ZFAND6: variants seen among roughly 807,000 people sequenced by gnomAD.
ZFAND6 encodes the protein AN1-type zinc finger protein 6.
In ZFAND6, 12 loss-of-function variants were observed where a neutral mutation model predicts 24.5. The ratio of observed to expected loss-of-function variants is 0.49; its 90% CI spans 0.31 to 0.79. The LOEUF is 0.79. ZFAND6 is among the 30% of genes least tolerant of loss of function. The probability of loss-of-function intolerance (pLI) is 0.04; values close to 1 mark genes in which losing one functional copy is unlikely to be tolerated. For missense variants in ZFAND6, 207 were observed against 245.9 expected (o/e 0.84, Z 1.06); for synonymous variants, 92 against 81.5 (o/e 1.13, Z -0.69).
At chr15:80,064,667 G>A (rs974538796) in intron 1 of ZFAND6, among the ~76,000 whole-genome samples, 1 of 151,852 alleles carries the variant, frequency 6.6e-6, no homozygotes. Flanking sequence ...TTGAGACACG[G>A]TCTTGCTCTA....
chr15:80,131,336 A>G (rs373192398), intron 6 of ZFAND6, 43 bp downstream of exon 6: 8 of 1,510,790 alleles, frequency 5.3e-6, no homozygotes, highest in Non-Finnish European at 7.3e-6. Flanking sequence ...ATGATGTTTT[A>G]TAATAATGCA....
Position 80,132,740 on chromosome 15 carries a change from C to CTCGT in ZFAND6, c.478+1448_478+1451dup, listed in dbSNP as rs558827332. 4.9e-3 allele frequency among the ~76,000 whole-genome samples: 746 copies of CTCGT among 152,138 alleles called. 6 individuals are homozygous for CTCGT. Among genetic ancestry groups the CTCGT allele is most frequent in the Non-Finnish European group, 8.0e-3 (541 of 68,010 alleles). ...GTAAACTTTGAATAATACCATAAGA[C>CTCGT]TCGTATAAAGTGATGCCACTAGCAC... is the stretch of plus-strand genomic sequence containing the variant. On this transcript the variant is annotated intron_variant, in intron 6 of 6. Transcript: ENST00000261749.
intron 1 of ZFAND6, among the ~76,000 whole-genome samples, chr15:80,086,132 G>A (rs8026715): frequency 0.085 from 12,865 of 152,172 alleles, 618 homozygotes; most frequent in East Asian, 0.19. Flanking sequence ...TCCGTCTGCC[G>A]GGTTCGAGTG....
At chr15:80,123,545 T>C (rs150543458) in intron 5 of ZFAND6, among the ~76,000 whole-genome samples, 3 of 152,340 alleles carry the variant, frequency 2.0e-5, no homozygotes, top group East Asian at 3.9e-4. Context: ...TGAAACTTCA[T>C]TGCACATGGT....
At chr15:80,114,367 G>GC (rs1220012818) in intron 2 of ZFAND6, among the ~76,000 whole-genome samples, 1 of 152,186 alleles carries the variant, frequency 6.6e-6, no homozygotes, top group Non-Finnish European at 1.5e-5. Context: ...AAATTAGGCT[G>GC]CTCGGGTTAA....
At chr15:80,064,088 TGGG>T (rs2036479842) in intron 1 of ZFAND6, among the ~76,000 whole-genome samples, 3 of 152,234 alleles carry the variant, frequency 2.0e-5, no homozygotes, top group African/African-American at 7.2e-5. Flanking sequence ...AGTTATCTGT[TGGG>T]TGTAACTTAA....
At chr15:80,128,161 A>G (rs1446250463) in intron 5 of ZFAND6, among the ~76,000 whole-genome samples, 1 of 152,260 alleles carries the variant, frequency 6.6e-6, no homozygotes, top group Non-Finnish European at 1.5e-5. Context: ...AGTGGTTGCC[A>G]GAAACCGTGG....
chr15:80,107,476 A>G (rs1024935924), intron 2 of ZFAND6, among the ~76,000 whole-genome samples: 1 of 152,184 alleles, frequency 6.6e-6, no homozygotes, highest in Non-Finnish European at 1.5e-5. Context: ...TTGCTTTTAC[A>G]CTGCCAATGC....
intron 2 of ZFAND6, among the ~76,000 whole-genome samples, chr15:80,103,843 CATT>C (rs2039165113): frequency 6.6e-6 from 1 of 152,160 alleles, no homozygotes; most frequent in Admixed American, 6.5e-5. Flanking sequence ...ATGATAAGTT[CATT>C]ATTATTATTG....
chr15:80,121,053 C>G (rs2040123579), intron 3 of ZFAND6, among the ~76,000 whole-genome samples: 1 of 152,160 alleles, frequency 6.6e-6, no homozygotes, highest in African/African-American at 2.4e-5. Context: ...TAAGAAGGAT[C>G]ATGCGGATTC....
rs528473383 is a variant in ZFAND6, at chr15:80,127,952, A to G, written c.365-3228A>G. On this transcript the variant is annotated intron_variant, in intron 5 of 6. Coordinates refer to ENST00000261749, the MANE Select transcript of ZFAND6 (RefSeq NM_019006.4). ...AAACTACTGAGATGGCTGTAAATAGATCATTGGATAAAAAAAAATGTGGTA... is the reference window on the plus strand; with the variant it reads ...AAACTACTGAGATGGCTGTAAATAGGTCATTGGATAAAAAAAAATGTGGTA... Among the ~76,000 whole-genome samples, 3 of 152,330 alleles carry G rather than the reference A, an allele frequency of 2.0e-5. No homozygotes were observed. In the South Asian group the frequency reaches 6.2e-4, roughly 32 times the overall value.
chr15:80,114,342 G>A (rs1419093878), intron 2 of ZFAND6, among the ~76,000 whole-genome samples: 1 of 152,200 alleles, frequency 6.6e-6, no homozygotes, highest in African/African-American at 2.4e-5. Flanking sequence ...TTTACATACA[G>A]CATAGTTTCT....
intron 1 of ZFAND6, among the ~76,000 whole-genome samples, chr15:80,069,287 CTTTTAT>C (rs1282505078): frequency 6.6e-6 from 1 of 152,140 alleles, no homozygotes; most frequent in African/African-American, 2.4e-5. Flanking sequence ...AATGCCTTCT[CTTTTAT>C]TTTTGTCTCA....
chr15:80,120,488 A>G lies in ZFAND6; in HGVS notation c.144A>G (p.Ile48Met). Residue 48 changes from isoleucine to methionine, a missense_variant, in exon 3 of 7, where the codon ATA becomes ATG. Ile to Met is a conservative substitution (Grantham distance 10, BLOSUM62 1). Around this residue, in one of 3 missense-constraint regions of ZFAND6, gnomAD observed 133 missense variants for 122.8 expected, o/e 1.08. Coordinates refer to ENST00000261749, the MANE Select transcript of ZFAND6 (RefSeq NM_019006.4). The stretch of plus-strand genomic sequence containing the variant: ...GACAGAATAGTAGTAATGGTAGAAT[A>G]AGCCCACCTGGTAAGTAATTCTAGT... ...LQRQNSSNGR[I>M]SPPATSVSSL... 6.5e-7 allele frequency: 1 copy of G among 1,539,966 alleles called. No homozygotes were observed. Among genetic ancestry groups the G allele is most frequent in the Admixed American group, 1.9e-5 (1 of 53,366 alleles).
intron 5 of ZFAND6, among the ~76,000 whole-genome samples, chr15:80,126,622 C>G (rs2040380477): frequency 3.9e-5 from 6 of 152,118 alleles, no homozygotes; most frequent in Non-Finnish European, 8.8e-5. Flanking sequence ...CTATGTCATA[C>G]CATATGCAAA....
chr15:80,091,945 A>G (rs1244958683), intron 1 of ZFAND6, among the ~76,000 whole-genome samples: 2 of 152,190 alleles, frequency 1.3e-5, no homozygotes, highest in East Asian at 1.9e-4. Flanking sequence ...TGGCCAATCC[A>G]TATATTTAAT....
At chr15:80,095,439 C>T (rs12594435) in intron 1 of ZFAND6, among the ~76,000 whole-genome samples, 5,130 of 152,226 alleles carry the variant, frequency 0.034, 278 homozygotes, top group East Asian at 0.22. Context: ...GTTAATATTT[C>T]TCCTTCTGTA....
chr15:80,082,323 G>A (rs1195531883), intron 1 of ZFAND6, among the ~76,000 whole-genome samples: 1 of 152,202 alleles, frequency 6.6e-6, no homozygotes, highest in Non-Finnish European at 1.5e-5. Context: ...TTATTGTTGT[G>A]CCTATTTCGC....
intron 2 of ZFAND6, among the ~76,000 whole-genome samples, chr15:80,113,163 A>T (rs1432565813): frequency 2.0e-5 from 3 of 152,210 alleles, no homozygotes; most frequent in Admixed American, 2.0e-4. Flanking sequence ...AAGGCCAAAG[A>T]TAACTTATAA....
Sources: allele counts gnomAD v4.1 joint callset (sites outside exome capture counted in the v4.1 genomes callset), GRCh38; gene constraint gnomAD v4.1.1; regional missense constraint gnomAD v4.1.1; transcripts MANE v1.5; gene names NCBI Gene and HGNC (gene_info 2026-07-23, HGNC 2026-07-21).